Variants in DNAJC3 observed in about 807,000 individuals in gnomAD.
The protein encoded by DNAJC3 is DnaJ heat shock protein family (Hsp40) member C3.
A neutral mutation model predicts 68.6 loss-of-function variants in DNAJC3; 38 were observed. The ratio of observed to expected loss-of-function variants is 0.55; its 90% CI spans 0.43 to 0.73. The LOEUF is 0.73. Ranked by LOEUF, DNAJC3 falls within the 30% of genes least tolerant of loss-of-function variation. The probability of loss-of-function intolerance (pLI) is 0.00; values close to 1 mark genes in which losing one functional copy is unlikely to be tolerated. For missense variants in DNAJC3, 526 were observed against 591.9 expected, an observed-to-expected ratio of 0.89 and a Z score of 1.16; for synonymous variants, 203 against 204.0, an observed-to-expected ratio of 1.00 and a Z score of 0.04.
intron 9 of DNAJC3, among the ~76,000 whole-genome samples, chr13:95,779,299 A>G (rs995389989): frequency 5.3e-5 from 8 of 150,442 alleles, no homozygotes; most frequent in African/African-American, 1.5e-4. Flanking sequence ...AATTTTTTCT[A>G]TTTTTTAGTA....
intron 1 of DNAJC3, among the ~76,000 whole-genome samples, chr13:95,692,110 G>T (rs1241991159): frequency 4.1e-5 from 6 of 146,842 alleles, no homozygotes; most frequent in Non-Finnish European, 7.4e-5. Flanking sequence ...AGAGGGAGAG[G>T]GAGACTGTGG....
At chr13:95,767,652 G>C (rs1435677603) in intron 9 of DNAJC3, among the ~76,000 whole-genome samples, 4 of 150,122 alleles carry the variant, frequency 2.7e-5, no homozygotes, top group Non-Finnish European at 4.4e-5. Flanking sequence ...GTGTATTAAA[G>C]ATTCTGATTC....
chr13:95,779,148 G>A (rs553446775), intron 9 of DNAJC3, among the ~76,000 whole-genome samples: 36 of 126,184 alleles, frequency 2.9e-4, no homozygotes, highest in South Asian at 2.5e-3. Context: ...TTTTTGAGAC[G>A]GAGTCTCACT....
chr13:95,787,207 G>T (rs750714045), intron 11 of DNAJC3, 52 bp downstream of exon 11: 1 of 1,577,354 alleles, frequency 6.3e-7, no homozygotes. Flanking sequence ...TGTTAGAAGC[G>T]AGGGTGGAAC....
At chr13:95,784,491 T>C (rs978016259) in intron 9 of DNAJC3, among the ~76,000 whole-genome samples, 1 of 152,094 alleles carries the variant, frequency 6.6e-6, no homozygotes, top group Non-Finnish European at 1.5e-5. Context: ...TGTGAAATGT[T>C]GTCTACCAGG....
rs1883915000 is a variant in DNAJC3, at chr13:95,794,904, TCTCA to T, written c.*3875_*3878del. ...AAAGGAACCTAATATTTGAAATGGG[TCTCA>T]GACATGTCTACAAATATGGGTACTA... On this transcript the variant is annotated 3_prime_UTR_variant, in exon 12 of 12. Transcript: ENST00000602402. The T allele has an allele frequency of 6.6e-6, 1 of 152,248 alleles. No individual in the cohort carries two copies. Among genetic ancestry groups the T allele is most frequent in the Non-Finnish European group, 1.5e-5 (1 of 68,040 alleles). 9.4% of individuals were successfully genotyped at this position (152,248 alleles called of 1,614,324 possible). A position where few individuals can be genotyped will look rare whatever the true frequency, so the allele number is the denominator to read the frequency against.
chr13:95,700,251 A>G (rs2139616148), intron 1 of DNAJC3, among the ~76,000 whole-genome samples: 1 of 152,278 alleles, frequency 6.6e-6, no homozygotes, highest in Middle Eastern at 3.4e-3. Flanking sequence ...GAGCTCACCT[A>G]CCAGGCACCT....
intron 4 of DNAJC3, among the ~76,000 whole-genome samples, chr13:95,756,148 A>T (rs1443033713): frequency 2.0e-5 from 3 of 152,232 alleles, no homozygotes; most frequent in African/African-American, 7.2e-5. Context: ...TCTATCTAAG[A>T]GGGTCAGTAG....
At chr13:95,785,789 C>G (rs1451254394) in intron 9 of DNAJC3, 150 bp from the exon 10 acceptor site, 4 of 579,934 alleles carry the variant, frequency 6.9e-6, no homozygotes, top group Non-Finnish European at 8.5e-6. Flanking sequence ...ATCAAAGTTA[C>G]TAACGGGGTA....
chr13:95,770,344 C>T lies in DNAJC3; in HGVS notation c.1075+6391C>T, dbSNP rs572332863. Among the ~76,000 whole-genome samples, 135 of 152,150 alleles carry T rather than the reference C, an allele frequency of 8.9e-4. 3 individuals carry two copies. In the South Asian group the frequency reaches 0.027, roughly 30 times the overall value. On this transcript the variant is annotated intron_variant, in intron 9 of 11. Transcript: ENST00000602402. ...AACGAAGGCCTATATTTGTATCTGC[C>T]TACTCTAGTGCTTTGAATAGAGTTG...
rs548275311 is a variant in DNAJC3, at chr13:95,781,803, G to C, written c.1076-4136G>C. ...ATGGTGGGATAAACATTGGATGTGT[G>C]TGTGTGTTTTTTTTTTTTTACTTTA... On this transcript the variant is annotated intron_variant, in intron 9 of 11. Coordinates refer to ENST00000602402, the MANE Select transcript of DNAJC3 (RefSeq NM_006260.5). 2.6e-5 allele frequency among the ~76,000 whole-genome samples: 4 copies of C among 151,334 alleles called. No homozygotes were observed. In the East Asian group the frequency reaches 7.8e-4, roughly 29 times the overall value.
At chr13:95,749,152 T>G (rs1262272318) in intron 4 of DNAJC3, among the ~76,000 whole-genome samples, 1 of 152,246 alleles carries the variant, frequency 6.6e-6, no homozygotes, top group Non-Finnish European at 1.5e-5. Flanking sequence ...GTTTGAGACT[T>G]AGATATGCAT....
At chr13:95,704,135 A>G (rs1042459654) in intron 1 of DNAJC3, among the ~76,000 whole-genome samples, 7 of 152,206 alleles carry the variant, frequency 4.6e-5, no homozygotes, top group African/African-American at 1.7e-4. Context: ...TGGGAGTCTC[A>G]TCTTCCAATT....
chr13:95,790,823 C>A (rs756434416), intron 11 of DNAJC3, 50 bp from the exon 12 acceptor site: 2 of 1,586,620 alleles, frequency 1.3e-6, no homozygotes, highest in Non-Finnish European at 1.7e-6. Context: ...TTCCCCCTGC[C>A]CCTATACCTT....
In DNAJC3 at chr13:95,753,718, A is replaced by G. The variant is rs1336119380; in HGVS notation, c.394-3926A>G. 2.0e-5 allele frequency among the ~76,000 whole-genome samples: 3 copies of G among 152,226 alleles called. No individual in the cohort carries two copies. The East Asian group carries it at 5.8e-4, about 29-fold the overall frequency. On this transcript the variant is annotated intron_variant, in intron 4 of 11. Transcript: ENST00000602402. ...AGTGGGCTAATATCTAATGCAATGG[A>G]AAATAAATTGAGCATCTTTTTAAAG...
At position 95,725,201 on chromosome 13, in the gene DNAJC3, A is replaced by G; in HGVS notation, c.342A>G (p.Leu114=). The G allele has an allele frequency of 5.0e-6, 8 of 1,593,362 alleles. No homozygotes were observed. Among genetic ancestry groups the G allele is most frequent in the South Asian group, 1.1e-5 (1 of 87,014 alleles). Residue 114 remains leucine, a synonymous_variant, in exon 4 of 12, where the codon TTA becomes TTG. Coordinates refer to ENST00000602402, the MANE Select transcript of DNAJC3 (RefSeq NM_006260.5). The part of the protein sequence containing the change: ...FTAARLQRGH[L]LLKQGKLDEA... Reference sequence around the variant, plus strand: ...AGGCAAGATTACAGAGAGGTCACTTATTACTCAAACAAGGAAAACTTGATG... The same window carrying G: ...AGGCAAGATTACAGAGAGGTCACTTGTTACTCAAACAAGGAAAACTTGATG...
At chr13:95,790,650 A>C (rs183141598) in intron 11 of DNAJC3, among the ~76,000 whole-genome samples, 1 of 131,568 alleles carries the variant, frequency 7.6e-6, no homozygotes, top group African/African-American at 4.3e-5. Context: ...ATAAATACCT[A>C]TTATCAACCC....
chr13:95,771,188 C>G (rs904477981), intron 9 of DNAJC3, among the ~76,000 whole-genome samples: 3 of 152,194 alleles, frequency 2.0e-5, no homozygotes, highest in African/African-American at 7.2e-5. Context: ...AATTTGTTTA[C>G]TGTCTTACAT....
At position 95,792,975 on chromosome 13, in the gene DNAJC3, CCAA is replaced by C. The variant is rs748411189; in HGVS notation, c.*1952_*1954del. On this transcript the variant is annotated 3_prime_UTR_variant, in exon 12 of 12. Coordinates refer to ENST00000602402, the MANE Select transcript of DNAJC3 (RefSeq NM_006260.5). ...TTCCACTTGGAGAGCACGACAGTTG[CCAA>C]CAACAAGGGGTCAAGGGCCGCACAG... 5.3e-5 allele frequency: 8 copies of C among 152,148 alleles called. No individual in the cohort carries two copies. The highest frequency in any genetic ancestry group is 1.0e-4 in the Non-Finnish European group (7 of 68,028). The allele number at this position is 152,148 out of a possible 1,614,324, so 9.4% of individuals were successfully genotyped here.
Sources: gnomAD v4.1 joint callset for allele counts (sites outside exome capture counted in the v4.1 genomes callset) on GRCh38, gnomAD v4.1.1 for gene constraint, MANE v1.5 for transcripts, NCBI Gene and HGNC (gene_info 2026-07-23, HGNC 2026-07-21) for gene names.